Variants in AGBL1 observed in about 807,000 individuals in gnomAD.
AGBL1 encodes the protein AGBL carboxypeptidase 1.
AGBL1 carries 130 observed loss-of-function variants against 118.9 expected under a neutral mutation model. The ratio of observed to expected loss-of-function variants is 1.09; its 90% CI spans 0.95 to 1.26. AGBL1 has a LOEUF of 1.26. Ranked by LOEUF, AGBL1 falls within the 50% of genes most tolerant of loss-of-function variation. The probability of loss-of-function intolerance (pLI) is 0.00; values close to 1 mark genes in which losing one functional copy is unlikely to be tolerated. For missense variants in AGBL1, 1,584 were observed against 1,298.1 expected (o/e 1.22, Z -3.38); for synonymous variants, 555 against 478.9 (o/e 1.16, Z -2.08).
At chr15:86,240,316 G>A (rs539193596) in intron 6 of AGBL1, among the ~76,000 whole-genome samples, 40 of 152,316 alleles carry the variant, frequency 2.6e-4, no homozygotes, top group African/African-American at 9.4e-4. Context: ...CATGTAATAT[G>A]ATTTAGAATA....
At chr15:86,497,549 T>G (rs2082868780) in intron 18 of AGBL1, among the ~76,000 whole-genome samples, 1 of 152,008 alleles carries the variant, frequency 6.6e-6, no homozygotes, top group Non-Finnish European at 1.5e-5. Context: ...GTTTTTATTA[T>G]GGGACCTCAC....
intron 17 of AGBL1, among the ~76,000 whole-genome samples, chr15:86,328,329 A>G (rs1188297955): frequency 6.6e-6 from 1 of 152,268 alleles, no homozygotes. Flanking sequence ...AGAACGATAC[A>G]GAAAGTATGG....
chr15:86,090,099 T>C (rs557311912), intron 1 of AGBL1, among the ~76,000 whole-genome samples: 1 of 152,336 alleles, frequency 6.6e-6, no homozygotes, highest in Non-Finnish European at 1.5e-5. Flanking sequence ...CTATGAGGAA[T>C]ATATGGCTAC....
At chr15:86,511,760 T>G (rs1217641873) in intron 18 of AGBL1, among the ~76,000 whole-genome samples, 1 of 151,918 alleles carries the variant, frequency 6.6e-6, no homozygotes, top group African/African-American at 2.4e-5. Context: ...TAATGGTGAT[T>G]GGGAGGAAGA....
At chr15:86,766,626 T>C (rs1248612519) in intron 22 of AGBL1, among the ~76,000 whole-genome samples, 1 of 151,928 alleles carries the variant, frequency 6.6e-6, no homozygotes, top group Admixed American at 6.6e-5. Context: ...GTGCCAAGAT[T>C]CCCTTATTCA....
chr15:86,085,277 T>G (rs1210523119), intron 1 of AGBL1, among the ~76,000 whole-genome samples: 1 of 151,982 alleles, frequency 6.6e-6, no homozygotes, highest in African/African-American at 2.4e-5. Flanking sequence ...ATGAGGAGGG[T>G]GCCTAGTGAT....
At chr15:86,950,940 G>A (rs946887307) in intron 23 of AGBL1, among the ~76,000 whole-genome samples, 3 of 152,152 alleles carry the variant, frequency 2.0e-5, no homozygotes, top group African/African-American at 7.2e-5. Flanking sequence ...AAGGCTGAGA[G>A]TAGAGTGAGA....
downstream of AGBL1, among the ~76,000 whole-genome samples, chr15:87,031,282 G>A (rs1301348711): frequency 6.6e-6 from 1 of 151,808 alleles, no homozygotes; most frequent in Non-Finnish European, 1.5e-5. Context: ...ATTACAAAAT[G>A]GAAGATTAGT....
At chr15:86,983,886 G>C (rs2081255087) in intron 23 of AGBL1, among the ~76,000 whole-genome samples, 1 of 152,178 alleles carries the variant, frequency 6.6e-6, no homozygotes, top group Non-Finnish European at 1.5e-5. Flanking sequence ...TTCTCTTTGA[G>C]TTCTGAGTAG....
At chr15:86,701,339 C>T (rs1354125245) in intron 22 of AGBL1, among the ~76,000 whole-genome samples, 3 of 151,862 alleles carry the variant, frequency 2.0e-5, no homozygotes, top group African/African-American at 4.8e-5. Flanking sequence ...AATATGGGGA[C>T]TCTGGTTGTG....
chr15:86,992,713 AT>A (rs201562207), intron 24 of AGBL1, among the ~76,000 whole-genome samples: 3,304 of 144,492 alleles, frequency 0.023, 47 homozygotes, highest in African/African-American at 0.043. Context: ...GGAAGTCTGG[AT>A]TTTTTTTTTT....
intron 17 of AGBL1, among the ~76,000 whole-genome samples, chr15:86,324,055 TAG>T (rs2080145806): frequency 6.6e-6 from 1 of 152,134 alleles, no homozygotes; most frequent in South Asian, 2.1e-4. Flanking sequence ...TAAGAAAAAA[TAG>T]AGTCATAAGC....
At chr15:86,431,315 T>C (rs1439456103) in intron 18 of AGBL1, among the ~76,000 whole-genome samples, 1 of 152,218 alleles carries the variant, frequency 6.6e-6, no homozygotes, top group Admixed American at 6.5e-5. Context: ...ATAAGTAAAA[T>C]GAATATAATG....
intron 1 of AGBL1, among the ~76,000 whole-genome samples, chr15:86,092,606 A>AT (rs1297544031): frequency 7.2e-5 from 11 of 152,292 alleles, no homozygotes; most frequent in African/African-American, 2.6e-4. Context: ...GTCTTAGTCC[A>AT]TTTTGTGCTG....
intron 22 of AGBL1, among the ~76,000 whole-genome samples, chr15:86,798,353 A>T (rs1567178924): frequency 6.6e-6 from 1 of 152,134 alleles, no homozygotes; most frequent in Admixed American, 6.6e-5. Flanking sequence ...GGGTGTTGGG[A>T]TAGGGTTGGG....
chr15:86,247,683 G>A lies in AGBL1; in HGVS notation c.539G>A (p.Arg180His), dbSNP rs534090396. The A allele has an allele frequency of 6.8e-5, 109 of 1,606,476 alleles. No individual in the cohort carries two copies. Among genetic ancestry groups the A allele is most frequent in the East Asian group, 5.8e-4 (26 of 44,546 alleles). Reference protein sequence around the residue: ...AALLKSKSNGRRAVNRGYVTS... With the variant: ...AALLKSKSNGHRAVNRGYVTS... The stretch of plus-strand genomic sequence containing the variant: ...CCTTTGTTTTCAGAGTCGAACGGCC[G>A]CAGAGCAGTGAACCGAGGCTACGTC... The change falls in exon 7 of 23, where the codon CGC becomes CAC. Residue 180 changes from arginine (R) to histidine (H), a missense_variant. Physicochemically the swap from Arg to His is conservative, Grantham distance 29. Coordinates refer to ENST00000614907, the MANE Select transcript of AGBL1 (RefSeq NM_001386094.1).
chr15:86,159,343 C>A (rs1215163627), intron 5 of AGBL1, among the ~76,000 whole-genome samples: 1 of 152,142 alleles, frequency 6.6e-6, no homozygotes, highest in East Asian at 1.9e-4. Flanking sequence ...CCAGATCTTT[C>A]AGACTCGAAA....
chr15:86,690,342 C>T (rs1567123979), intron 22 of AGBL1, among the ~76,000 whole-genome samples: 1 of 152,052 alleles, frequency 6.6e-6, no homozygotes, highest in Non-Finnish European at 1.5e-5. Flanking sequence ...TTTGGAAAGA[C>T]TTAAAAGTAT....
intron 5 of AGBL1, among the ~76,000 whole-genome samples, chr15:86,176,633 G>T (rs1597496866): frequency 1.3e-5 from 2 of 152,334 alleles, no homozygotes; most frequent in South Asian, 4.1e-4. Context: ...GGGGCTCCAT[G>T]GATGTGGAAA....
Sources: allele counts gnomAD v4.1 joint callset (sites outside exome capture counted in the v4.1 genomes callset), GRCh38; gene constraint gnomAD v4.1.1; transcripts MANE v1.5; gene names NCBI Gene and HGNC (gene_info 2026-07-23, HGNC 2026-07-21).